Variants in CAMTA1 observed in about 807,000 individuals in gnomAD.
The protein encoded by CAMTA1 is calmodulin-binding transcription activator 1.
CAMTA1 carries 27 observed loss-of-function variants against 170.9 expected under a neutral mutation model. The ratio of observed to expected loss-of-function variants is 0.16; its 90% CI spans 0.12 to 0.22. CAMTA1 has a LOEUF of 0.22. Ranked by LOEUF, CAMTA1 falls within the 10% of genes least tolerant of loss-of-function variation. The pLI is 1.00. For synonymous variants in CAMTA1, 833 were observed against 891.5 expected (o/e 0.93, Z 1.17); for missense variants, 1,619 against 2,217.2 (o/e 0.73, Z 5.42).
rs547251169 is a variant in CAMTA1, at chr1:7,621,042, G to A, written c.511-19358G>A. Among the ~76,000 whole-genome samples the A allele has an allele frequency of 3.3e-5, 5 of 152,218 alleles. No individual in the cohort carries two copies. The Middle Eastern group carries it at 0.01, about 311-fold the overall frequency. On this transcript the variant is annotated intron_variant, in intron 6 of 22. Transcript: ENST00000303635. ...CGAGGGAAAGGCCGTAGGGTCAGGGGAGTAATCCATCAATGTTCCGTCCAA... is the reference window on the plus strand; with the variant it reads ...CGAGGGAAAGGCCGTAGGGTCAGGGAAGTAATCCATCAATGTTCCGTCCAA...
chr1:6,995,170 T>C (rs1233785485), intron 3 of CAMTA1, among the ~76,000 whole-genome samples: 2 of 152,124 alleles, frequency 1.3e-5, no homozygotes, highest in Admixed American at 6.5e-5. Flanking sequence ...TCTTTTTTTT[T>C]CCAGATAGAT....
intron 6 of CAMTA1, among the ~76,000 whole-genome samples, chr1:7,472,236 A>T (rs926545719): frequency 5.9e-5 from 9 of 152,124 alleles, no homozygotes. Flanking sequence ...ACCACAGGAC[A>T]GGGTGGCAGT....
chr1:7,697,995 G>C (rs933782850), intron 11 of CAMTA1, among the ~76,000 whole-genome samples: 3 of 150,724 alleles, frequency 2.0e-5, no homozygotes, highest in African/African-American at 7.3e-5. Flanking sequence ...TCATGGGACT[G>C]ATGATTTTAA....
intron 12 of CAMTA1, among the ~76,000 whole-genome samples, chr1:7,735,057 GTTA>G (rs2096761029): frequency 6.6e-6 from 1 of 152,108 alleles, no homozygotes; most frequent in African/African-American, 2.4e-5. Flanking sequence ...AGCCCTTATT[GTTA>G]TTAATAACAC....
At chr1:7,119,036 A>G (rs992623979) in intron 4 of CAMTA1, among the ~76,000 whole-genome samples, 2 of 152,154 alleles carry the variant, frequency 1.3e-5, no homozygotes, top group Non-Finnish European at 2.9e-5. Flanking sequence ...TTTCCCGGAT[A>G]CCCGTGCAGT....
chr1:7,508,943 G>A (rs547686100), intron 6 of CAMTA1, among the ~76,000 whole-genome samples: 203 of 152,154 alleles, frequency 1.3e-3, no homozygotes, highest in African/African-American at 4.6e-3. Flanking sequence ...TCCCATACAG[G>A]GCTGGAAAAC....
intron 3 of CAMTA1, among the ~76,000 whole-genome samples, chr1:6,954,480 C>G (rs12239076): frequency 0.34 from 51,216 of 152,096 alleles, 9,493 homozygotes; most frequent in Non-Finnish European, 0.42. Context: ...TCCTAGGCTG[C>G]CTCCAAATTG....
chr1:7,458,257 C>G (rs2149494017), intron 5 of CAMTA1, among the ~76,000 whole-genome samples: 1 of 152,262 alleles, frequency 6.6e-6, no homozygotes, highest in South Asian at 2.1e-4. Context: ...TTAACTCCTG[C>G]AGGCTTTGCC....
At chr1:7,103,649 C>G (rs2148283516) in intron 4 of CAMTA1, among the ~76,000 whole-genome samples, 1 of 150,654 alleles carries the variant, frequency 6.6e-6, no homozygotes, top group African/African-American at 2.4e-5. Flanking sequence ...GCACACACAA[C>G]ACAACACATG....
chr1:6,926,478 TTCTTTCTTTCTC>T (rs760261203), intron 3 of CAMTA1, among the ~76,000 whole-genome samples: 6 of 124,318 alleles, frequency 4.8e-5, no homozygotes, highest in East Asian at 2.4e-4. Flanking sequence ...CTTTCTTTCT[TTCTTTCTTTCTC>T]TCTCTCTTTT....
At chr1:7,262,418 C>A (rs556724911) in intron 5 of CAMTA1, among the ~76,000 whole-genome samples, 1 of 152,052 alleles carries the variant, frequency 6.6e-6, no homozygotes, top group Non-Finnish European at 1.5e-5. Flanking sequence ...AAAAATTAGC[C>A]GGGCGTGGTG....
chr1:7,085,204 T>A (rs1640579862), intron 3 of CAMTA1, among the ~76,000 whole-genome samples: 1 of 152,206 alleles, frequency 6.6e-6, no homozygotes, highest in African/African-American at 2.4e-5. Flanking sequence ...AGTGCAACTC[T>A]GGCACTCACA....
intron 6 of CAMTA1, among the ~76,000 whole-genome samples, chr1:7,491,881 C>T (rs369502223): frequency 2.0e-5 from 3 of 152,170 alleles, no homozygotes; most frequent in Admixed American, 6.5e-5. Flanking sequence ...TCCCTTCTGC[C>T]GAGGCTTTGG....
chr1:6,967,384 T>C (rs931534961), intron 3 of CAMTA1, among the ~76,000 whole-genome samples: 5 of 152,106 alleles, frequency 3.3e-5, no homozygotes, highest in Non-Finnish European at 7.4e-5. Flanking sequence ...GAACTGCGTT[T>C]CCTCTGGAAA....
rs754106727 is a variant in CAMTA1, at chr1:7,067,330, C to T, written c.235-23974C>T. Among the ~76,000 whole-genome samples the T allele has an allele frequency of 2.6e-5, 4 of 152,172 alleles. No homozygotes were observed. Among genetic ancestry groups the T allele is most frequent in the Admixed American group, 6.5e-5 (1 of 15,286 alleles). On this transcript the variant is annotated intron_variant, in intron 3 of 22. Transcript: ENST00000303635. The surrounding 1 kb of genome is among the most constrained non-coding windows in gnomAD (Gnocchi z 4.3). ...GGACAGTGCTAGACAAATAGGACTC[C>T]TTTAACTCCTTAGGAAGTTCCCTGT...
rs561674743 is a variant in CAMTA1, at chr1:7,471,061, C to G, written c.510+3160C>G. ...TGAGCAGGCCTCGCAGACTCGGGGC[C>G]TGGAGCTCAGGATTGGTGCCAAGAT... On this transcript the variant is annotated intron_variant, in intron 6 of 22. Coordinates refer to ENST00000303635, the MANE Select transcript of CAMTA1 (RefSeq NM_015215.4). Among the ~76,000 whole-genome samples the G allele has an allele frequency of 5.3e-5, 8 of 152,348 alleles. No individual in the cohort carries two copies. In the South Asian group the frequency reaches 1.7e-3, roughly 32 times the overall value.
chr1:6,820,369 C>T, intron 2 of CAMTA1, 119 bp downstream of exon 2: 1 of 891,694 alleles, frequency 1.1e-6, no homozygotes, highest in South Asian at 1.5e-5. Flanking sequence ...GGGTTCTGCA[C>T]TTAACTGCTG....
chr1:7,528,788 G>A (rs1413972405), intron 6 of CAMTA1, among the ~76,000 whole-genome samples: 2 of 146,622 alleles, frequency 1.4e-5, no homozygotes, highest in Non-Finnish European at 3.0e-5. Context: ...CAAATGTAAA[G>A]GAATGAAAGG....
At chr1:7,178,525 T>G (rs1421887527) in intron 4 of CAMTA1, among the ~76,000 whole-genome samples, 11 of 152,192 alleles carry the variant, frequency 7.2e-5, no homozygotes, top group African/African-American at 2.4e-4. Context: ...CACTAATCAA[T>G]GAAGTCTAAC....
Sources: allele counts gnomAD v4.1 joint callset (sites outside exome capture counted in the v4.1 genomes callset), GRCh38; gene constraint gnomAD v4.1.1; non-coding constraint Gnocchi (gnomAD v3.1); transcripts MANE v1.5; gene names NCBI Gene and HGNC (gene_info 2026-07-23, HGNC 2026-07-21).